RBFOX3: variants seen among roughly 807,000 people sequenced by gnomAD.
RBFOX3 encodes RNA binding fox-1 homolog 3, also known as RNA binding protein fox-1 homolog 3.
Under a neutral mutation model 48.7 loss-of-function variants are expected in RBFOX3, and 17 were observed. That is an observed-to-expected ratio of 0.35 (90% CI 0.24 to 0.52). The LOEUF is 0.52. Ranked by LOEUF, RBFOX3 falls within the 20% of genes least tolerant of loss-of-function variation. The pLI, the probability that RBFOX3 is intolerant of heterozygous loss-of-function variation, is 0.94. For synonymous variants in RBFOX3, 212 were observed against 209.5 expected (o/e 1.01, Z -0.10); for missense variants, 382 against 497.5 (o/e 0.77, Z 2.21).
In RBFOX3 at chr17:79,495,646, G is replaced by GAT. The variant is rs2081395909; in HGVS notation, c.-319-13049_-319-13048insAT. The stretch of plus-strand genomic sequence containing the variant: ...GAAAGGGTACTGGGGCAGGGATGGG[G>GAT]GTGCAGGAAGGTGGGAATGGAATGC... On this transcript the variant is annotated intron_variant, in intron 1 of 14. Transcript: ENST00000693108. Among the ~76,000 whole-genome samples, 134 of 137,104 alleles carry GAT rather than the reference G, an allele frequency of 9.8e-4. 11 individuals are homozygous for GAT. The highest frequency in any genetic ancestry group is 7.9e-3 in the Middle Eastern group (2 of 252). 89.9% of individuals were successfully genotyped at this position (137,104 alleles called of 152,430 possible). A position where few individuals can be genotyped will look rare whatever the true frequency, so the allele number is the denominator to read the frequency against.
the RBFOX3 span, among the ~76,000 whole-genome samples, chr17:79,655,623 C>T: frequency 6.6e-6 from 1 of 152,326 alleles, no homozygotes; most frequent in South Asian, 2.1e-4. Flanking sequence ...ACTGGCTGTG[C>T]CTTTTGCTTC....
intron 2 of RBFOX3, among the ~76,000 whole-genome samples, chr17:79,408,596 G>C (rs980968938): frequency 4.6e-5 from 7 of 152,218 alleles, no homozygotes; most frequent in South Asian, 2.1e-4. Flanking sequence ...GGTTGCTAAG[G>C]GGGTGCTGGA....
chr17:79,624,545 A>G, the RBFOX3 span, among the ~76,000 whole-genome samples: 1 of 152,172 alleles, frequency 6.6e-6, no homozygotes, highest in African/African-American at 2.4e-5. Flanking sequence ...GAGCCCTCTC[A>G]GAGACCAGCA....
chr17:79,526,484 G>T (rs2086813856), intron 1 of RBFOX3, among the ~76,000 whole-genome samples: 1 of 152,252 alleles, frequency 6.6e-6, no homozygotes, highest in African/African-American at 2.4e-5. Flanking sequence ...AAACAGCGAG[G>T]TCAGGACAGT....
chr17:79,151,881 G>T (rs1453798493), intron 4 of RBFOX3, among the ~76,000 whole-genome samples: 1 of 83,746 alleles, frequency 1.2e-5, no homozygotes, highest in Non-Finnish European at 2.6e-5. Flanking sequence ...GAGGGGAGGC[G>T]ATGGGAGGGG....
intron 2 of RBFOX3, among the ~76,000 whole-genome samples, chr17:79,469,927 G>A (rs1375889352): frequency 6.6e-6 from 1 of 152,150 alleles, no homozygotes; most frequent in Non-Finnish European, 1.5e-5. Flanking sequence ...CACGCATGGA[G>A]ATGGAAGACC....
chr17:79,579,255 T>C (rs1192360288), intron 1 of RBFOX3, among the ~76,000 whole-genome samples: 2 of 152,144 alleles, frequency 1.3e-5, no homozygotes, highest in African/African-American at 2.4e-5. Flanking sequence ...ACATGCATGC[T>C]GCGGTTGACA....
chr17:79,528,878 G>C (rs1199637947), intron 1 of RBFOX3, among the ~76,000 whole-genome samples: 1 of 152,192 alleles, frequency 6.6e-6, no homozygotes, highest in Non-Finnish European at 1.5e-5. Flanking sequence ...CATCTCACAG[G>C]TGCTGTTGTG....
intron 4 of RBFOX3, among the ~76,000 whole-genome samples, chr17:79,221,487 CTTGTCCCCCTTGGGCCTGCA>C (rs1353219095): frequency 1.3e-5 from 2 of 152,232 alleles, no homozygotes; most frequent in African/African-American, 2.4e-5. Flanking sequence ...TGGGGGGCCT[CTTGTCCCCCTTGGGCCTGCA>C]TTGGTGGCCT....
chr17:79,586,474 A>G (rs1310584195), intron 1 of RBFOX3, among the ~76,000 whole-genome samples: 1 of 152,198 alleles, frequency 6.6e-6, no homozygotes, highest in Admixed American at 6.5e-5. Context: ...CTGCTGTTTC[A>G]AGCTACAGCG....
chr17:79,649,036 A>G, the RBFOX3 span, among the ~76,000 whole-genome samples: 3 of 147,948 alleles, frequency 2.0e-5, no homozygotes, highest in African/African-American at 7.5e-5. Flanking sequence ...TGGAGTGCAG[A>G]GCTACAATTG....
intron 4 of RBFOX3, among the ~76,000 whole-genome samples, chr17:79,131,801 T>C (rs981080669): frequency 6.6e-6 from 1 of 152,114 alleles, no homozygotes; most frequent in Admixed American, 6.5e-5. Context: ...GGCTGAGAGA[T>C]GGCCCCGAAT....
chr17:79,238,535 T>C (rs1327986987), intron 3 of RBFOX3, among the ~76,000 whole-genome samples: 19 of 152,196 alleles, frequency 1.2e-4, no homozygotes, highest in Non-Finnish European at 2.6e-4. Context: ...GCCCAAGCCC[T>C]TAGAAGTCCT....
intron 1 of RBFOX3, among the ~76,000 whole-genome samples, chr17:79,556,391 G>A (rs920811448): frequency 8.5e-4 from 130 of 152,318 alleles, no homozygotes; most frequent in African/African-American, 2.8e-3. Flanking sequence ...GTGTGGCTCC[G>A]TAAAGCATTT....
At chr17:79,351,944 G>A (rs1207179346) in intron 2 of RBFOX3, among the ~76,000 whole-genome samples, 2 of 152,228 alleles carry the variant, frequency 1.3e-5, no homozygotes, top group South Asian at 4.2e-4. Context: ...GGGCCTACAG[G>A]TCCCTGTGGG....
intron 14 of RBFOX3, among the ~76,000 whole-genome samples, chr17:79,094,091 G>C (rs559174716): frequency 3.5e-4 from 54 of 152,330 alleles, no homozygotes; most frequent in African/African-American, 1.3e-3. Context: ...TGCTGGGAAG[G>C]AGAGGCGGCC....
chr17:79,389,643 C>G (rs753237095), intron 2 of RBFOX3, among the ~76,000 whole-genome samples: 1 of 152,170 alleles, frequency 6.6e-6, no homozygotes, highest in Non-Finnish European at 1.5e-5. Context: ...CATGCTGGGC[C>G]GGTTTCCAGA....
intron 2 of RBFOX3, among the ~76,000 whole-genome samples, chr17:79,355,823 T>G (rs1297262386): frequency 2.6e-5 from 4 of 152,134 alleles, no homozygotes; most frequent in Non-Finnish European, 4.4e-5. Flanking sequence ...TCAGGTGATC[T>G]ACCTGCCTTA....
rs369481241 is a variant in RBFOX3 at position 79,477,534 on chromosome 17, C to T, written c.-175+4920G>A. 9.8e-4 allele frequency among the ~76,000 whole-genome samples: 147 copies of T among 150,114 alleles called. No individual in the cohort carries two copies. Among genetic ancestry groups the T allele is most frequent in the South Asian group, 6.6e-3 (31 of 4,722 alleles). On this transcript the variant is annotated intron_variant, in intron 2 of 14. Transcript: ENST00000693108. The surrounding 1 kb of genome is among the most constrained non-coding windows in gnomAD (Gnocchi z 4.8). ...TCGCCCCATCGCACTCCAGCCTGGG[C>T]GACAGAGCGAAACTCCGTCACCGGA...
Sources: allele counts gnomAD v4.1 joint callset (sites outside exome capture counted in the v4.1 genomes callset), GRCh38; gene constraint gnomAD v4.1.1; non-coding constraint Gnocchi (gnomAD v3.1); transcripts MANE v1.5; gene names NCBI Gene and HGNC (gene_info 2026-07-23, HGNC 2026-07-21).